LNX1: variants seen among roughly 807,000 people sequenced by gnomAD.
LNX1 encodes ligand of numb-protein X 1, also known as E3 ubiquitin-protein ligase LNX.
LNX1 carries 54 observed loss-of-function variants against 68.4 expected under a neutral mutation model. The ratio of observed to expected loss-of-function variants is 0.79; its 90% CI spans 0.63 to 0.99. LNX1 has a LOEUF of 0.99. Ranked by LOEUF, LNX1 falls within the 50% of genes least tolerant of loss-of-function variation. The probability of loss-of-function intolerance (pLI) is 0.00; values close to 1 mark genes in which losing one functional copy is unlikely to be tolerated. For synonymous variants in LNX1, 336 were observed against 350.0 expected (o/e 0.96, Z 0.45); for missense variants, 906 against 926.4 (o/e 0.98, Z 0.29).
intron 2 of LNX1, among the ~76,000 whole-genome samples, chr4:53,611,866 G>A (rs1407080901): frequency 2.0e-5 from 3 of 152,148 alleles, no homozygotes; most frequent in Admixed American, 1.3e-4. Flanking sequence ...AAACTGAGAA[G>A]CCAAAAGCTC....
At chr4:53,557,234 T>A (rs1328149115) in intron 2 of LNX1, among the ~76,000 whole-genome samples, 2 of 152,192 alleles carry the variant, frequency 1.3e-5, no homozygotes, top group Admixed American at 1.3e-4. Context: ...AGGGGTGATA[T>A]GTCATGATGG....
At chr4:53,640,631 T>C (rs1387970304) in intron 1 of LNX1, among the ~76,000 whole-genome samples, 1 of 152,214 alleles carries the variant, frequency 6.6e-6, no homozygotes, top group African/African-American at 2.4e-5. Context: ...AATACATCCA[T>C]AACCCCCAAA....
At chr4:53,474,152 C>A (rs544710001) in intron 9 of LNX1, among the ~76,000 whole-genome samples, 1 of 152,264 alleles carries the variant, frequency 6.6e-6, no homozygotes, top group South Asian at 2.1e-4. Flanking sequence ...TTAACCAGTT[C>A]CTAATTGGCA....
chr4:53,545,802 ATTTTTTTT>A (rs71197029), intron 2 of LNX1, among the ~76,000 whole-genome samples: 8 of 111,622 alleles, frequency 7.2e-5, no homozygotes, highest in Non-Finnish European at 1.2e-4. Flanking sequence ...CAGAGGCCAC[ATTTTTTTT>A]TTTTTTTTTT....
chr4:53,463,430 G>A (rs1415387078), intron 9 of LNX1, among the ~76,000 whole-genome samples: 4 of 152,008 alleles, frequency 2.6e-5, no homozygotes, highest in African/African-American at 7.2e-5. Flanking sequence ...CGAGAACTCC[G>A]TATGTTAATC....
intron 2 of LNX1, among the ~76,000 whole-genome samples, chr4:53,565,614 G>T (rs1480519705): frequency 6.6e-6 from 1 of 152,210 alleles, no homozygotes; most frequent in South Asian, 2.1e-4. Context: ...AAGGAACGCA[G>T]CTCCTCACCA....
chr4:53,566,832 A>T (rs1730728899), intron 2 of LNX1, among the ~76,000 whole-genome samples: 1 of 150,242 alleles, frequency 6.7e-6, no homozygotes, highest in Non-Finnish European at 1.5e-5. Flanking sequence ...AAACAAAAAA[A>T]GGCAGGGGTT....
intron 9 of LNX1, among the ~76,000 whole-genome samples, chr4:53,472,622 T>C (rs879911583): frequency 6.6e-6 from 1 of 150,572 alleles, no homozygotes; most frequent in Non-Finnish European, 1.5e-5. Flanking sequence ...GTACAAATTT[T>C]GATTTTCTGT....
chr4:53,527,051 TA>T (rs11415751), intron 2 of LNX1, among the ~76,000 whole-genome samples: 37 of 121,468 alleles, frequency 3.0e-4, no homozygotes, highest in African/African-American at 7.9e-4. Flanking sequence ...TCCCTGCCCC[TA>T]AAAAAAAAAA....
intron 2 of LNX1, among the ~76,000 whole-genome samples, chr4:53,609,034 A>G (rs1207433985): frequency 6.6e-6 from 1 of 152,158 alleles, no homozygotes; most frequent in African/African-American, 2.4e-5. Flanking sequence ...AATAACCAAA[A>G]CAGCGTGGTA....
upstream of LNX1, among the ~76,000 whole-genome samples, chr4:53,594,678 TC>T (rs1732672348): frequency 6.6e-6 from 1 of 152,102 alleles, no homozygotes; most frequent in Non-Finnish European, 1.5e-5. Flanking sequence ...CAAACCCTTT[TC>T]TTTTACTTTC....
chr4:53,534,822 T>C (rs1164219465), intron 2 of LNX1, among the ~76,000 whole-genome samples: 1 of 152,232 alleles, frequency 6.6e-6, no homozygotes, highest in Non-Finnish European at 1.5e-5. Flanking sequence ...TTCAGCCATA[T>C]ACATTGTCCA....
upstream of LNX1, among the ~76,000 whole-genome samples, chr4:53,594,774 C>T (rs142321173): frequency 4.4e-3 from 672 of 151,916 alleles, 2 homozygotes; most frequent in Non-Finnish European, 7.6e-3. Context: ...TGCAGTGGTG[C>T]CATCATGGCT....
At chr4:53,487,706 G>A (rs1392130556) in intron 6 of LNX1, among the ~76,000 whole-genome samples, 1 of 152,196 alleles carries the variant, frequency 6.6e-6, no homozygotes, top group Non-Finnish European at 1.5e-5. Flanking sequence ...AGAAACAGGT[G>A]AGAGCTGTAA....
At chr4:53,579,761 A>G (rs1294600248) in intron 1 of LNX1, among the ~76,000 whole-genome samples, 5 of 152,128 alleles carry the variant, frequency 3.3e-5, no homozygotes, top group African/African-American at 1.2e-4. Flanking sequence ...TCTCCTTTCA[A>G]TGCACCCTGG....
chr4:53,639,843 G>A (rs1734611218), intron 1 of LNX1, among the ~76,000 whole-genome samples: 1 of 152,058 alleles, frequency 6.6e-6, no homozygotes, highest in African/African-American at 2.4e-5. Flanking sequence ...ACCTGCCTGA[G>A]CAACATGGTG....
chr4:53,532,292 A>G (rs1728072425), intron 2 of LNX1, among the ~76,000 whole-genome samples: 1 of 152,110 alleles, frequency 6.6e-6, no homozygotes, highest in Admixed American at 6.5e-5. Context: ...CTTGGTCAAC[A>G]TGGTGAAACC....
At chr4:53,649,592 G>T (rs1735016600) in intron 1 of LNX1, among the ~76,000 whole-genome samples, 3 of 152,206 alleles carry the variant, frequency 2.0e-5, no homozygotes, top group Admixed American at 6.5e-5. Context: ...CCACCCTGAG[G>T]TAGCTCCTGA....
chr4:53,551,250 C>G (rs764348485), intron 2 of LNX1, among the ~76,000 whole-genome samples: 2 of 152,102 alleles, frequency 1.3e-5, no homozygotes, highest in Non-Finnish European at 2.9e-5. Flanking sequence ...GGTAGTTAGA[C>G]AGACATGAGG....
Sources: gnomAD v4.1 joint callset for allele counts (sites outside exome capture counted in the v4.1 genomes callset) on GRCh38, gnomAD v4.1.1 for gene constraint, MANE v1.5 for transcripts, NCBI Gene and HGNC (gene_info 2026-07-23, HGNC 2026-07-21) for gene names.